The following PCMTD1 variants were observed in gnomAD, a reference collection of about 807,000 sequenced individuals.
PCMTD1 encodes protein-L-isoaspartate (D-aspartate) O-methyltransferase domain containing 1.
Under a neutral mutation model 37.6 loss-of-function variants are expected in PCMTD1, and 12 were observed. The ratio of observed to expected loss-of-function variants is 0.32; its 90% confidence interval spans 0.20 to 0.52. PCMTD1 has a LOEUF of 0.52. Among genes scored for constraint, PCMTD1 ranks in the 20% least tolerant of loss-of-function variants. The pLI is 0.97. For synonymous variants in PCMTD1, 117 were observed against 135.8 expected, an observed-to-expected ratio of 0.86 and a Z score of 0.96; for missense variants, 235 against 421.3, an observed-to-expected ratio of 0.56 and a Z score of 3.87.
chr8:51,878,238 ATTTTTTTTTTGGTTTTT>A (rs2038740632), intron 1 of PCMTD1, among the ~76,000 whole-genome samples: 1 of 74,310 alleles, frequency 1.3e-5, no homozygotes, highest in South Asian at 5.5e-4. Context: ...ATATTATGAG[ATTTTTTTTTTGGTTTTT>A]TTTTTTTTTT....
At chr8:51,892,926 G>A (rs904690440) in intron 1 of PCMTD1, among the ~76,000 whole-genome samples, 1 of 152,200 alleles carries the variant, frequency 6.6e-6, no homozygotes, top group African/African-American at 2.4e-5. Context: ...GGGAGGCTGA[G>A]GAAGATACAT....
At chr8:51,878,247 TTGG>T in intron 1 of PCMTD1, among the ~76,000 whole-genome samples, 1 of 76,818 alleles carries the variant, frequency 1.3e-5, no homozygotes, top group Non-Finnish European at 4.3e-5. Flanking sequence ...GATTTTTTTT[TTGG>T]TTTTTTTTTT....
intron 1 of PCMTD1, among the ~76,000 whole-genome samples, chr8:51,889,614 G>A (rs1455544269): frequency 6.6e-6 from 1 of 152,160 alleles, no homozygotes; most frequent in Non-Finnish European, 1.5e-5. Context: ...CTTAGTTCAT[G>A]CATCTATAAA....
At chr8:51,850,562 C>T (rs1339287487) in intron 2 of PCMTD1, among the ~76,000 whole-genome samples, 1 of 152,132 alleles carries the variant, frequency 6.6e-6, no homozygotes, top group Non-Finnish European at 1.5e-5. Context: ...TATGATAAAG[C>T]CCCATCTGAA....
Position 51,820,344 on chromosome 8 carries a change from A to T in PCMTD1, c.*7T>A, listed in dbSNP as rs1339704431. ...TTATCAGTAGGCATTTTTCTTCTTGATCTAAGTTATTTGTCTCTAAAATAT... is the reference window on the plus strand; with the variant it reads ...TTATCAGTAGGCATTTTTCTTCTTGTTCTAAGTTATTTGTCTCTAAAATAT... On this transcript the variant is annotated 3_prime_UTR_variant, in exon 6 of 6. Coordinates refer to ENST00000522514, the MANE Select transcript of PCMTD1 (RefSeq NM_052937.4). 6.5e-7 allele frequency: 1 copy of T among 1,543,938 alleles called. No homozygotes were observed.
At chr8:51,844,300 T>C (rs2038187647) in intron 3 of PCMTD1, among the ~76,000 whole-genome samples, 1 of 152,206 alleles carries the variant, frequency 6.6e-6, no homozygotes, top group African/African-American at 2.4e-5. Context: ...CATTACGTGT[T>C]GTTTATAAAG....
At chr8:51,880,397 A>G (rs2129291933) in intron 1 of PCMTD1, among the ~76,000 whole-genome samples, 1 of 152,312 alleles carries the variant, frequency 6.6e-6, no homozygotes, top group South Asian at 2.1e-4. Context: ...AAGGTATAGG[A>G]AAACATGTTT....
intron 1 of PCMTD1, among the ~76,000 whole-genome samples, chr8:51,881,258 G>A (rs372795730): frequency 7.4e-6 from 1 of 135,780 alleles, no homozygotes; most frequent in Non-Finnish European, 1.7e-5. Context: ...TGTGTTGGTG[G>A]TGCCACTAAA....
intron 3 of PCMTD1, among the ~76,000 whole-genome samples, chr8:51,838,102 T>C (rs2038093758): frequency 6.6e-6 from 1 of 152,188 alleles, no homozygotes; most frequent in Non-Finnish European, 1.5e-5. Flanking sequence ...CTTACTTTTA[T>C]ACAGCATTTC....
chr8:51,845,836 T>A, intron 2 of PCMTD1, 73 bp from the exon 3 acceptor site: 1 of 960,516 alleles, frequency 1.0e-6, no homozygotes, highest in Non-Finnish European at 1.6e-6. Flanking sequence ...TAAGTTCTGC[T>A]CATTTATACA....
At chr8:51,872,261 T>G (rs2038650381) in intron 1 of PCMTD1, among the ~76,000 whole-genome samples, 1 of 152,112 alleles carries the variant, frequency 6.6e-6, no homozygotes, top group Admixed American at 6.6e-5. Context: ...ACCACACGTA[T>G]CTCCCTAAAC....
rs1399495981 is a variant in PCMTD1 at position 51,827,392 on chromosome 8, T to C, written c.706+4052A>G. The C allele has an allele frequency of 1.4e-5, 9 of 656,698 alleles. No homozygotes were observed. In the Admixed American group the frequency reaches 2.1e-4, roughly 15 times the overall value. The allele number at this position is 656,698 out of a possible 1,614,324, so 40.7% of individuals were successfully genotyped here. ...AATATTAAATGGAAAAATTGAGAAATAAGCAATTCATATGTTTTAAATTGT... is the reference window on the plus strand; with the variant it reads ...AATATTAAATGGAAAAATTGAGAAACAAGCAATTCATATGTTTTAAATTGT... On this transcript the variant is annotated intron_variant, in intron 5 of 5. Transcript: ENST00000522514.
intron 2 of PCMTD1, among the ~76,000 whole-genome samples, chr8:51,851,397 A>G (rs1210073434): frequency 6.6e-6 from 1 of 152,250 alleles, no homozygotes; most frequent in Non-Finnish European, 1.5e-5. Flanking sequence ...CAAGGCCCTA[A>G]GTAAACCATA....
intron 2 of PCMTD1, among the ~76,000 whole-genome samples, chr8:51,855,618 TA>T (rs2129284796): frequency 6.6e-6 from 1 of 151,972 alleles, no homozygotes; most frequent in South Asian, 2.1e-4. Flanking sequence ...GTTTGATGCA[TA>T]AAACAGAGTA....
At chr8:51,837,915 G>A (rs1480147709) in intron 3 of PCMTD1, among the ~76,000 whole-genome samples, 1 of 152,016 alleles carries the variant, frequency 6.6e-6, no homozygotes, top group African/African-American at 2.4e-5. Context: ...GAGTAGCTGG[G>A]ACTACAGAGG....
At chr8:51,841,030 C>T (rs1016237919) in intron 3 of PCMTD1, among the ~76,000 whole-genome samples, 2 of 152,132 alleles carry the variant, frequency 1.3e-5, no homozygotes, top group African/African-American at 4.8e-5. Flanking sequence ...GGCTGTAATT[C>T]ATTGATGGCA....
chr8:51,880,032 A>C (rs944643448), intron 1 of PCMTD1, among the ~76,000 whole-genome samples: 1 of 151,950 alleles, frequency 6.6e-6, no homozygotes, highest in Non-Finnish European at 1.5e-5. Flanking sequence ...CAAAAAAAAA[A>C]AGTTTAAAAA....
chr8:51,874,844 G>A (rs1323881558), intron 1 of PCMTD1, among the ~76,000 whole-genome samples: 2 of 152,048 alleles, frequency 1.3e-5, no homozygotes, highest in African/African-American at 4.8e-5. Context: ...TATGCCTCAG[G>A]AACTATAATA....
chr8:51,894,786 T>C (rs907738546), intron 1 of PCMTD1, among the ~76,000 whole-genome samples: 4 of 67,922 alleles, frequency 5.9e-5, no homozygotes, highest in Admixed American at 1.7e-4. Flanking sequence ...TGCAGTAAGA[T>C]GACAAAAAAA....
Sources: allele counts gnomAD v4.1 joint callset (sites outside exome capture counted in the v4.1 genomes callset), GRCh38; gene constraint gnomAD v4.1.1; transcripts MANE v1.5; gene names NCBI Gene and HGNC (gene_info 2026-07-23, HGNC 2026-07-21).